The following GRIP1 variants were observed in gnomAD, a reference collection of about 807,000 sequenced individuals.
GRIP1 encodes glutamate receptor interacting protein 1.
GRIP1 carries 45 observed loss-of-function variants against 129.9 expected under a neutral mutation model. The observed-to-expected ratio is 0.35, with a 90% CI of 0.27 to 0.44. The LOEUF (loss-of-function observed/expected upper bound fraction) is 0.44, where lower values mean the gene tolerates loss of function less well. Among genes scored for constraint, GRIP1 ranks in the 20% least tolerant of loss-of-function variants. The probability of loss-of-function intolerance (pLI) is 1.00; values close to 1 mark genes in which losing one functional copy is unlikely to be tolerated. For synonymous variants in GRIP1, 530 were observed against 520.8 expected (o/e 1.02, Z -0.24); for missense variants, 1,196 against 1,396.8 (o/e 0.86, Z 2.29).
chr12:66,908,866 T>C (rs1032331310), intron 1 of GRIP1, among the ~76,000 whole-genome samples: 1 of 152,188 alleles, frequency 6.6e-6, no homozygotes, highest in African/African-American at 2.4e-5. Context: ...ACTTCTGATC[T>C]GAAAACAACC....
At chr12:66,479,261 C>CA (rs1565784147) in intron 7 of GRIP1, among the ~76,000 whole-genome samples, 1 of 151,946 alleles carries the variant, frequency 6.6e-6, no homozygotes, top group Non-Finnish European at 1.5e-5. Context: ...CACAGAAATA[C>CA]AAAATACCAT....
intron 1 of GRIP1, among the ~76,000 whole-genome samples, chr12:66,934,999 T>C (rs1292039421): frequency 6.6e-6 from 1 of 152,230 alleles, no homozygotes; most frequent in Admixed American, 6.5e-5. Context: ...GTGTCTACAA[T>C]GCCATGTCTT....
At chr12:66,934,541 T>G (rs1188325814) in intron 1 of GRIP1, among the ~76,000 whole-genome samples, 1 of 152,188 alleles carries the variant, frequency 6.6e-6, no homozygotes, top group Non-Finnish European at 1.5e-5. Flanking sequence ...GCCCTTCACA[T>G]GCCAAAGACA....
intron 1 of GRIP1, among the ~76,000 whole-genome samples, chr12:67,012,611 T>C (rs1214959053): frequency 6.6e-6 from 1 of 152,202 alleles, no homozygotes; most frequent in African/African-American, 2.4e-5. Flanking sequence ...ACCTTCAAGT[T>C]TAAATGGCAT....
intron 19 of GRIP1, among the ~76,000 whole-genome samples, chr12:66,383,559 A>T (rs1565685392): frequency 6.6e-6 from 1 of 152,086 alleles, no homozygotes; most frequent in Non-Finnish European, 1.5e-5. Context: ...TGGGCATGTC[A>T]CTCAGCCCAT....
chr12:66,888,051 T>TTTTTA (rs766077868), intron 1 of GRIP1, among the ~76,000 whole-genome samples: 13 of 152,170 alleles, frequency 8.5e-5, no homozygotes, highest in South Asian at 2.1e-4. Context: ...TTTTTATTCA[T>TTTTTA]TTTTATTTTA....
chr12:66,394,627 T>C (rs1353570621), intron 16 of GRIP1, among the ~76,000 whole-genome samples: 3 of 152,232 alleles, frequency 2.0e-5, no homozygotes, highest in African/African-American at 7.2e-5. Flanking sequence ...ACCTTTCAAC[T>C]GTGTCCATGT....
intron 1 of GRIP1, among the ~76,000 whole-genome samples, chr12:66,815,585 A>AC (rs1445820466): frequency 2.0e-5 from 3 of 152,066 alleles, no homozygotes; most frequent in Non-Finnish European, 4.4e-5. Context: ...ACATAGTGAG[A>AC]CCCCATCTCT....
chr12:66,923,847 T>C (rs1001606989), intron 1 of GRIP1, among the ~76,000 whole-genome samples: 3 of 152,204 alleles, frequency 2.0e-5, no homozygotes, highest in Non-Finnish European at 4.4e-5. Flanking sequence ...TTCAGCATTT[T>C]TTTTTTTATT....
chr12:66,874,322 T>G (rs1000805281), intron 1 of GRIP1, among the ~76,000 whole-genome samples: 2 of 152,106 alleles, frequency 1.3e-5, no homozygotes, highest in African/African-American at 4.8e-5. Context: ...GACAATCTTA[T>G]GATTATGCAT....
chr12:66,826,763 T>TTTTTTTTTTTTTTTTTTTTTTTTGAG (rs1566041031), intron 1 of GRIP1, among the ~76,000 whole-genome samples: 6 of 152,012 alleles, frequency 3.9e-5, no homozygotes, highest in African/African-American at 1.5e-4. Context: ...CACAAAATTC[T>TTTTTTTTTTTTTTTTTTTTTTTTGAG]AAATGCCATT....
intron 1 of GRIP1, among the ~76,000 whole-genome samples, chr12:66,921,540 G>A (rs927740683): frequency 2.0e-5 from 3 of 152,156 alleles, no homozygotes; most frequent in African/African-American, 7.2e-5. Context: ...AGTACTGCAG[G>A]CTCCTGCTTT....
Position 66,491,564 on chromosome 12 carries a change from T to A in GRIP1, c.724+24055A>T, listed in dbSNP as rs143294110. Among the ~76,000 whole-genome samples the A allele has an allele frequency of 7.4e-3, 1,132 of 152,184 alleles. 18 individuals are homozygous for A. The highest frequency in any genetic ancestry group is 0.026 in the African/African-American group (1,090 of 41,498). Reference sequence around the variant, plus strand: ...GGTTGATCTGTGTAGCAAACCACCATGGCACACATTTACCTATGTAACAAA... The same window carrying A: ...GGTTGATCTGTGTAGCAAACCACCAAGGCACACATTTACCTATGTAACAAA... On this transcript the variant is annotated intron_variant, in intron 7 of 24. Transcript: ENST00000359742.
intron 1 of GRIP1, among the ~76,000 whole-genome samples, chr12:66,714,912 CATCCATCCATCCAATCCA>C (rs1191708854): frequency 6.7e-6 from 1 of 150,066 alleles, no homozygotes; most frequent in African/African-American, 2.5e-5. Flanking sequence ...TCCATCCATC[CATCCATCCATCCAATCCA>C]ATCCAATCCA....
intron 7 of GRIP1, among the ~76,000 whole-genome samples, chr12:66,478,993 C>G (rs568072062): frequency 1.3e-5 from 2 of 151,100 alleles, no homozygotes; most frequent in African/African-American, 2.4e-5. Context: ...CAAACCTGCA[C>G]GTTGTGCACA....
At chr12:67,016,506 A>C (rs2042789546) in intron 1 of GRIP1, among the ~76,000 whole-genome samples, 1 of 152,198 alleles carries the variant, frequency 6.6e-6, no homozygotes, top group South Asian at 2.1e-4. Flanking sequence ...ATATGAAAAC[A>C]GACTCAAAGA....
At chr12:66,892,998 A>C (rs563748211) in intron 1 of GRIP1, among the ~76,000 whole-genome samples, 2 of 152,170 alleles carry the variant, frequency 1.3e-5, no homozygotes, top group South Asian at 4.1e-4. Context: ...AAAAACAAAA[A>C]ACAAAATGGA....
chr12:66,467,232 T>C (rs2059310739), intron 7 of GRIP1, among the ~76,000 whole-genome samples: 1 of 152,172 alleles, frequency 6.6e-6, no homozygotes, highest in Non-Finnish European at 1.5e-5. Context: ...AGTTTTTGGC[T>C]CTGGGGTATT....
chr12:67,029,296 T>C (rs1185900868), intron 1 of GRIP1, among the ~76,000 whole-genome samples: 1 of 152,112 alleles, frequency 6.6e-6, no homozygotes, highest in Non-Finnish European at 1.5e-5. Flanking sequence ...CGTTGTTATG[T>C]AGAGATGAGG....
Sources: gnomAD v4.1 joint callset for allele counts (sites outside exome capture counted in the v4.1 genomes callset) on GRCh38, gnomAD v4.1.1 for gene constraint, MANE v1.5 for transcripts, NCBI Gene and HGNC (gene_info 2026-07-23, HGNC 2026-07-21) for gene names.